WHRN: variants seen among roughly 807,000 people sequenced by gnomAD.
WHRN encodes CASK-interacting protein CIP98.
A neutral mutation model predicts 68.3 loss-of-function variants in WHRN; 41 were observed. The observed-to-expected ratio is 0.60, with a 90% CI of 0.47 to 0.78. The LOEUF (loss-of-function observed/expected upper bound fraction) is 0.78, where lower values mean the gene tolerates loss of function less well. Ranked by LOEUF, WHRN falls within the 30% of genes least tolerant of loss-of-function variation. The pLI, the probability that WHRN is intolerant of heterozygous loss-of-function variation, is 0.00. For synonymous variants in WHRN, 560 were observed against 561.3 expected, an observed-to-expected ratio of 1.00 and a Z score of 0.03; for missense variants, 1,243 against 1,244.7, an observed-to-expected ratio of 1.00 and a Z score of 0.02.
chr9:114,462,438 G>A (rs1442312249), intron 3 of WHRN, among the ~76,000 whole-genome samples: 2 of 152,170 alleles, frequency 1.3e-5, no homozygotes, highest in Non-Finnish European at 2.9e-5. Context: ...GGAGACTGAG[G>A]CCCAGGGAGA....
At chr9:114,479,610 G>C (rs940337866) in intron 1 of WHRN, among the ~76,000 whole-genome samples, 1 of 152,182 alleles carries the variant, frequency 6.6e-6, no homozygotes, top group Non-Finnish European at 1.5e-5. Context: ...TTTATAAAGG[G>C]CTTGTATGTG....
chr9:114,403,140 C>T (rs542865232), intron 11 of WHRN, 77 bp downstream of exon 11: 30 of 1,603,898 alleles, frequency 1.9e-5, no homozygotes, highest in Admixed American at 1.2e-4. Flanking sequence ...CCATGGGAGT[C>T]GCAAAACCCT....
rs540942812 is a variant in WHRN, at chr9:114,434,536, C to G, written c.964-8123G>C. Among the ~76,000 whole-genome samples the G allele has an allele frequency of 5.0e-5, 3 of 60,182 alleles. No homozygotes were observed. The East Asian group carries it at 1.7e-3, about 33-fold the overall frequency. 39.5% of individuals were successfully genotyped at this position (60,182 alleles called of 152,430 possible). A position where few individuals can be genotyped will look rare whatever the true frequency, so the allele number is the denominator to read the frequency against. On this transcript the variant is annotated intron_variant, in intron 3 of 11. Coordinates refer to ENST00000362057, the MANE Select transcript of WHRN (RefSeq NM_015404.4). The stretch of plus-strand genomic sequence containing the variant: ...TCAAACCCCTGACCTTTCCTCCAAG[C>G]CTGGTCCTTCTCCGGGGCTCCTCAT...
chr9:114,436,803 T>C (rs943411700), intron 3 of WHRN, among the ~76,000 whole-genome samples: 43 of 152,216 alleles, frequency 2.8e-4, no homozygotes, highest in African/African-American at 9.6e-4. Context: ...CACTCCAGCC[T>C]GGGTGACAGA....
intron 3 of WHRN, among the ~76,000 whole-genome samples, chr9:114,431,457 C>A (rs1028595948): frequency 1.1e-4 from 16 of 152,204 alleles, no homozygotes; most frequent in African/African-American, 3.1e-4. Flanking sequence ...TGAGCCTAAT[C>A]TTCTCATCTT....
intron 3 of WHRN, among the ~76,000 whole-genome samples, chr9:114,460,826 A>T (rs1840187691): frequency 6.6e-6 from 1 of 152,280 alleles, no homozygotes; most frequent in South Asian, 2.1e-4. Flanking sequence ...AGCAGCAAGG[A>T]GCCCTATTTA....
At chr9:114,500,191 C>T (rs538605760) in intron 1 of WHRN, among the ~76,000 whole-genome samples, 2 of 152,128 alleles carry the variant, frequency 1.3e-5, no homozygotes, top group Admixed American at 1.3e-4. Context: ...AATAAGTGAG[C>T]TTTTCTACAT....
chr9:114,466,424 C>A (rs1296530521), intron 2 of WHRN, 32 bp from the exon 3 acceptor site: 2 of 1,613,022 alleles, frequency 1.2e-6, no homozygotes, highest in South Asian at 2.2e-5. Flanking sequence ...ATTAGAGGGA[C>A]TGGAGGAGCC....
At chr9:114,473,806 T>C (rs1841438183) in intron 2 of WHRN, among the ~76,000 whole-genome samples, 1 of 152,194 alleles carries the variant, frequency 6.6e-6, no homozygotes, top group Non-Finnish European at 1.5e-5. Context: ...TTGGATGCTC[T>C]GCAAGGGCCC....
chr9:114,433,480 T>A (rs7044699), intron 3 of WHRN, among the ~76,000 whole-genome samples: 151,745 of 152,368 alleles, frequency 1, 75,565 homozygotes, highest in Middle Eastern at 1. Flanking sequence ...TCAAGGGAGG[T>A]CCCTGTTGGC....
At chr9:114,442,610 T>C (rs1052786529) in intron 3 of WHRN, among the ~76,000 whole-genome samples, 1 of 152,174 alleles carries the variant, frequency 6.6e-6, no homozygotes, top group Non-Finnish European at 1.5e-5. Context: ...GGATCCCTCA[T>C]AAACGGCTTG....
chr9:114,473,394 C>T (rs1015526024), intron 2 of WHRN, among the ~76,000 whole-genome samples: 1 of 152,198 alleles, frequency 6.6e-6, no homozygotes, highest in Non-Finnish European at 1.5e-5. Context: ...ACCCAAAGAG[C>T]CAGAGCCAGG....
intron 9 of WHRN, 37 bp from the exon 10 acceptor site, chr9:114,404,114 T>C: frequency 2.5e-6 from 4 of 1,601,328 alleles, no homozygotes; most frequent in Non-Finnish European, 3.4e-6. Flanking sequence ...GCAGCTTATA[T>C]AGCTGGGGTC....
At chr9:114,474,636 G>A (rs973148719) in intron 2 of WHRN, among the ~76,000 whole-genome samples, 1 of 152,088 alleles carries the variant, frequency 6.6e-6, no homozygotes, top group African/African-American at 2.4e-5. Context: ...CCTCCTCCAG[G>A]AAGCCTTCCC....
At position 114,425,978 on chromosome 9, in the gene WHRN, G is replaced by A. The variant is rs1001554169; in HGVS notation, c.1166+233C>T. 5 of 609,868 alleles carry A rather than the reference G, an allele frequency of 8.2e-6. No individual in the cohort carries two copies. In the African/African-American group the frequency reaches 9.2e-5, roughly 11 times the overall value. 37.8% of individuals were successfully genotyped at this position (609,868 alleles called of 1,614,324 possible). ...TCTATAGAATGAGTTAAGTAATTTG[G>A]GGACAAATAAAGAATGAGACAGTTG... On this transcript the variant is annotated intron_variant, in intron 4 of 11. Transcript: ENST00000362057.
intron 1 of WHRN, among the ~76,000 whole-genome samples, chr9:114,497,328 A>T (rs935273647): frequency 1.3e-5 from 2 of 152,222 alleles, no homozygotes; most frequent in Non-Finnish European, 2.9e-5. Context: ...ATTTAGCAAA[A>T]GGAACACAAA....
At chr9:114,500,436 T>C (rs144164127) in intron 1 of WHRN, among the ~76,000 whole-genome samples, 62 of 152,352 alleles carry the variant, frequency 4.1e-4, no homozygotes, top group African/African-American at 1.4e-3. Context: ...ATATAATGTC[T>C]TATATTAACA....
intron 1 of WHRN, among the ~76,000 whole-genome samples, chr9:114,486,885 AGTGTGT>A (rs142516414): frequency 1.4e-5 from 1 of 73,704 alleles, no homozygotes; most frequent in African/African-American, 4.6e-5. Context: ...TGATTAAATT[AGTGTGT>A]GTGTGTGTGT....
intron 8 of WHRN, among the ~76,000 whole-genome samples, chr9:114,407,392 A>G (rs571084363): frequency 6.6e-6 from 1 of 152,168 alleles, no homozygotes; most frequent in East Asian, 1.9e-4. Context: ...AATGGGGAAA[A>G]GCACATCTAC....
Sources: allele counts gnomAD v4.1 joint callset (sites outside exome capture counted in the v4.1 genomes callset), GRCh38; gene constraint gnomAD v4.1.1; transcripts MANE v1.5; gene names NCBI Gene and HGNC (gene_info 2026-07-23, HGNC 2026-07-21).